Variants in GTPBP10 observed in about 807,000 individuals in gnomAD.
GTPBP10 encodes the protein GTP binding protein 10.
In GTPBP10, 38 loss-of-function variants were observed where a neutral mutation model predicts 44.8. The observed-to-expected ratio is 0.85, with a 90% CI of 0.65 to 1.11. The LOEUF is 1.11. GTPBP10 is among the 50% of genes most tolerant of loss of function. The probability of loss-of-function intolerance (pLI) is 0.00; values close to 1 mark genes in which losing one functional copy is unlikely to be tolerated. For synonymous variants in GTPBP10, 152 were observed against 150.6 expected (o/e 1.01, Z -0.07); for missense variants, 462 against 453.7 (o/e 1.02, Z -0.17).
Position 90,355,072 on chromosome 7 carries a change from T to G in GTPBP10, c.320-14T>G. The stretch of plus-strand genomic sequence containing the variant: ...TTAATCTTTGCTGTAAGTATTTCTC[T>G]CCCTCTTTTTAAGGAGAACTCAATA... On this transcript the variant is annotated splice_polypyrimidine_tract_variant and intron_variant, in intron 3 of 9. Transcript: ENST00000222511. 6.6e-7 allele frequency: 1 copy of G among 1,510,038 alleles called. No homozygotes were observed. The highest frequency in any genetic ancestry group is 1.2e-5 in the South Asian group (1 of 82,270). 93.5% of individuals were successfully genotyped at this position (1,510,038 alleles called of 1,614,324 possible). A position where few individuals can be genotyped will look rare whatever the true frequency, so the allele number is the denominator to read the frequency against.
chr7:90,365,672 G>A lies in GTPBP10; in HGVS notation c.465-6483G>A, dbSNP rs17866128. Among the ~76,000 whole-genome samples the A allele has an allele frequency of 8.4e-3, 1,272 of 152,182 alleles. 10 individuals are homozygous for A. Among genetic ancestry groups the A allele is most frequent in the South Asian group, 0.02 (96 of 4,822 alleles). On this transcript the variant is annotated intron_variant, in intron 4 of 9. Transcript: ENST00000222511. Reference sequence around the variant, plus strand: ...ATTACAGGCGTGAGCCACCGCGCCCGGCCGGGGTTTTCTAAATATACAATC... The same window carrying A: ...ATTACAGGCGTGAGCCACCGCGCCCAGCCGGGGTTTTCTAAATATACAATC...
At chr7:90,356,377 T>G (rs972495964) in intron 4 of GTPBP10, among the ~76,000 whole-genome samples, 4 of 152,206 alleles carry the variant, frequency 2.6e-5, no homozygotes, top group Non-Finnish European at 5.9e-5. Flanking sequence ...TTAGGAACAT[T>G]ATGGGCTTAA....
Position 90,385,259 on chromosome 7 carries a change from C to T in GTPBP10, c.*105C>T. 2 of 753,262 alleles carry T rather than the reference C, an allele frequency of 2.7e-6. No homozygotes were observed. Among genetic ancestry groups the T allele is most frequent in the Non-Finnish European group, 4.1e-6 (2 of 486,012 alleles). 46.7% of individuals were successfully genotyped at this position (753,262 alleles called of 1,614,324 possible). A position where few individuals can be genotyped will look rare whatever the true frequency, so the allele number is the denominator to read the frequency against. ...GACATGTTAAGTAAAATAAGCCAGGCTTAGAAAGACAAATGCTGCATAATC... is the reference window on the plus strand; with the variant it reads ...GACATGTTAAGTAAAATAAGCCAGGTTTAGAAAGACAAATGCTGCATAATC... On this transcript the variant is annotated 3_prime_UTR_variant, in exon 10 of 10. Coordinates refer to ENST00000222511, the MANE Select transcript of GTPBP10 (RefSeq NM_033107.4).
chr7:90,388,429 C>G lies in GTPBP10; in HGVS notation c.*3275C>G, dbSNP rs1336581144. ...GTCCCAGTAGTTCTTGCAGAGCTTT[C>G]TATAATATCAGATTTATTTACCATC... On this transcript the variant is annotated 3_prime_UTR_variant, in exon 10 of 10. Coordinates refer to ENST00000222511, the MANE Select transcript of GTPBP10 (RefSeq NM_033107.4). 1 of 150,162 alleles carries G rather than the reference C, an allele frequency of 6.7e-6. No individual in the cohort carries two copies. Among genetic ancestry groups the G allele is most frequent in the African/African-American group, 2.5e-5 (1 of 40,366 alleles). The allele number at this position is 150,162 out of a possible 1,614,324, so 9.3% of individuals were successfully genotyped here.
At chr7:90,371,093 A>T (rs75499029) in intron 4 of GTPBP10, 8,215 of 345,994 alleles carry the variant, frequency 0.024, 125 homozygotes, top group African/African-American at 0.044. Context: ...AAGTTGCAAA[A>T]GTTTAAAGAT....
chr7:90,350,943 A>G (rs1356465796), intron 1 of GTPBP10, among the ~76,000 whole-genome samples: 3 of 152,176 alleles, frequency 2.0e-5, no homozygotes, highest in Admixed American at 6.5e-5. Context: ...GTGGTGTTCA[A>G]GGTTTACAGT....
rs757973599 is a variant in GTPBP10 at position 90,372,482 on chromosome 7, C to CTTTTTTTTTTTTT, written c.538+257_538+269dup. On this transcript the variant is annotated intron_variant, in intron 5 of 9. Coordinates refer to ENST00000222511, the MANE Select transcript of GTPBP10 (RefSeq NM_033107.4). Reference sequence around the variant, plus strand: ...GGTATGTGCCACCATGCTTGGCTAACTTTTTTTTTTTTTTTGTGGGGACAG... The same window carrying CTTTTTTTTTTTTT: ...GGTATGTGCCACCATGCTTGGCTAACTTTTTTTTTTTTTTTTTTTTTTTTTTTTGTGGGGACAG... 2.1e-3 allele frequency among the ~76,000 whole-genome samples: 239 copies of CTTTTTTTTTTTTT among 112,098 alleles called. 5 individuals carry two copies. The highest frequency in any genetic ancestry group is 3.0e-3 in the African/African-American group (75 of 25,240). 73.5% of individuals were successfully genotyped at this position (112,098 alleles called of 152,430 possible). A position where few individuals can be genotyped will look rare whatever the true frequency, so the allele number is the denominator to read the frequency against.
At chr7:90,362,465 A>C (rs1435255842) in intron 4 of GTPBP10, among the ~76,000 whole-genome samples, 1 of 152,172 alleles carries the variant, frequency 6.6e-6, no homozygotes, top group Non-Finnish European at 1.5e-5. Flanking sequence ...CTGAATCCTG[A>C]GTTCCAATTT....
intron 4 of GTPBP10, among the ~76,000 whole-genome samples, chr7:90,362,201 T>A (rs1401324788): frequency 6.6e-6 from 1 of 152,218 alleles, no homozygotes; most frequent in Non-Finnish European, 1.5e-5. Context: ...TTCTTGCTTC[T>A]CTAGTTCTTT....
chr7:90,349,520 A>T (rs538211660), intron 1 of GTPBP10, among the ~76,000 whole-genome samples: 15 of 152,196 alleles, frequency 9.9e-5, no homozygotes, highest in Non-Finnish European at 1.3e-4. Flanking sequence ...CCATGGAACC[A>T]ATCCAGAGAA....
At chr7:90,361,304 G>T (rs928915651) in intron 4 of GTPBP10, among the ~76,000 whole-genome samples, 3 of 152,144 alleles carry the variant, frequency 2.0e-5, no homozygotes. Context: ...TTTGAGATAC[G>T]TTCCATCAAT....
At chr7:90,359,951 C>G (rs1795980638) in intron 4 of GTPBP10, among the ~76,000 whole-genome samples, 1 of 152,174 alleles carries the variant, frequency 6.6e-6, no homozygotes, top group African/African-American at 2.4e-5. Flanking sequence ...TGAGAAGTGT[C>G]TGTTCATATC....
chr7:90,350,234 C>T (rs190883618), intron 1 of GTPBP10, among the ~76,000 whole-genome samples: 55 of 152,208 alleles, frequency 3.6e-4, no homozygotes, highest in Non-Finnish European at 8.8e-5. Flanking sequence ...CCATGTCACT[C>T]ATCCTTTTTA....
chr7:90,381,863 A>G (rs1274696795), intron 8 of GTPBP10, among the ~76,000 whole-genome samples: 1 of 152,228 alleles, frequency 6.6e-6, no homozygotes, highest in Admixed American at 6.5e-5. Context: ...GAATATCCAC[A>G]TGCAGAGAAA....
rs1796502144 is a variant in GTPBP10 at position 90,385,143 on chromosome 7, G to T, written c.1153G>T (p.Asp385Tyr). The change falls in exon 10 of 10, where the codon GAT (aspartate) becomes TAT (tyrosine). Residue 385 changes from aspartate (D) to tyrosine (Y), a missense_variant. Physicochemically the swap from Asp to Tyr is radical, Grantham distance 160. Coordinates refer to ENST00000222511, the MANE Select transcript of GTPBP10 (RefSeq NM_033107.4). ...SKHAVTTSKM[D>Y]II ...GCATGCTGTTACTACTTCCAAAATG[G>T]ATATAATTTAAATATATTAAAAATG... The T allele has an allele frequency of 6.3e-7, 1 of 1,598,480 alleles. No individual in the cohort carries two copies. Among genetic ancestry groups the T allele is most frequent in the Non-Finnish European group, 8.5e-7 (1 of 1,171,216 alleles).
chr7:90,382,966 T>C lies in GTPBP10; in HGVS notation c.788T>C (p.Leu263Ser). Residue 263 changes from leucine to serine, a missense_variant, in exon 9 of 10, where the codon TTG (leucine) becomes TCG (serine). Transcript: ENST00000222511. ...TCTTTTGATTTAAAGGAGTTGGAAT[T>C]GTACAAAGAGGAACTTCAGACAAAA... is the stretch of plus-strand genomic sequence containing the variant. ...TIILLTKELELYKEELQTKPA... is the reference protein window; with the variant it reads ...TIILLTKELESYKEELQTKPA... The C allele has an allele frequency of 6.5e-7, 1 of 1,549,908 alleles. No homozygotes were observed.
chr7:90,352,235 A>G (rs1795803955), intron 1 of GTPBP10, among the ~76,000 whole-genome samples: 2 of 152,178 alleles, frequency 1.3e-5, no homozygotes, highest in Admixed American at 6.5e-5. Flanking sequence ...TGTAGTCTCA[A>G]TGAATATGTA....
intron 4 of GTPBP10, among the ~76,000 whole-genome samples, chr7:90,368,628 G>GT (rs1203502489): frequency 2.0e-5 from 3 of 152,128 alleles, no homozygotes; most frequent in Admixed American, 6.5e-5. Flanking sequence ...TCGTGCTGTG[G>GT]TTTTGAACTC....
intron 4 of GTPBP10, among the ~76,000 whole-genome samples, chr7:90,358,975 A>G (rs1173562723): frequency 1.3e-5 from 2 of 152,310 alleles, no homozygotes; most frequent in South Asian, 2.1e-4. Flanking sequence ...ACAAATGGCC[A>G]ATACGCATAT....
Sources: gnomAD v4.1 joint callset for allele counts (sites outside exome capture counted in the v4.1 genomes callset) on GRCh38, gnomAD v4.1.1 for gene constraint, MANE v1.5 for transcripts, NCBI Gene and HGNC (gene_info 2026-07-23, HGNC 2026-07-21) for gene names.